The following XK variants were observed in gnomAD, a reference collection of about 807,000 sequenced individuals.
The protein encoded by XK is endoplasmic reticulum membrane adapter protein XK.
Under a neutral mutation model 14.0 loss-of-function variants are expected in XK, and 2 were observed. The ratio of observed to expected loss-of-function variants is 0.14; its 90% CI spans 0.06 to 0.45. The LOEUF (loss-of-function observed/expected upper bound fraction) is 0.45, where lower values mean the gene tolerates loss of function less well. Ranked by LOEUF, XK falls within the 20% of genes least tolerant of loss-of-function variation. The pLI is 0.98. For missense variants in XK, 235 were observed against 341.5 expected, an observed-to-expected ratio of 0.69 and a Z score of 2.46; for synonymous variants, 149 against 147.5, an observed-to-expected ratio of 1.01 and a Z score of -0.08.
chrX:37,721,820 G>A (rs369661102), intron 2 of XK, among the ~76,000 whole-genome samples: 1 of 111,525 alleles, frequency 9.0e-6, no homozygotes, highest in African/African-American at 3.2e-5. Context: ...ACTGATGAAT[G>A]GACCATGTCT....
chrX:37,696,601 G>A (rs1015301487), intron 2 of XK, among the ~76,000 whole-genome samples: 4 of 112,863 alleles, frequency 3.5e-5, no homozygotes, highest in Non-Finnish European at 7.5e-5. Flanking sequence ...TATGAATGGA[G>A]CATGGTCTAG....
intron 2 of XK, among the ~76,000 whole-genome samples, chrX:37,695,394 G>A (rs1174090948): frequency 1.8e-5 from 2 of 109,968 alleles, no homozygotes; most frequent in Admixed American, 1.9e-4. Context: ...TCTACCTTTG[G>A]GCTATTCTCA....
At chrX:37,707,789 C>T (rs1360041437) in intron 2 of XK, among the ~76,000 whole-genome samples, 1 of 112,414 alleles carries the variant, frequency 8.9e-6, no homozygotes, top group African/African-American at 3.2e-5. Context: ...ACGCTCCTCA[C>T]TTCCCAGATG....
intron 2 of XK, among the ~76,000 whole-genome samples, chrX:37,698,563 AAAAAAAG>A (rs1927348134): frequency 9.3e-6 from 1 of 107,409 alleles, no homozygotes; most frequent in Non-Finnish European, 1.9e-5. Context: ...AAAAAAAAAA[AAAAAAAG>A]AGGAGGAAAA....
rs1417041553 is a variant in XK, at chrX:37,731,634, A to T, written c.*3172A>T. 1 of 112,164 alleles carries T rather than the reference A, an allele frequency of 8.9e-6. No homozygotes were observed. Among genetic ancestry groups the T allele is most frequent in the Non-Finnish European group, 1.9e-5 (1 of 53,184 alleles). 9.2% of individuals were successfully genotyped at this position (112,164 alleles called of 1,213,427 possible). ...AAAAGAAATAAGTAGTGTCATTCAT[A>T]TGAGTTCCTGAGTGGATATGCGAAT... On this transcript the variant is annotated 3_prime_UTR_variant, in exon 3 of 3. Coordinates refer to ENST00000378616, the MANE Select transcript of XK (RefSeq NM_021083.4).
In XK at chrX:37,730,608, A is replaced by G. The variant is rs979047968; in HGVS notation, c.*2146A>G. On this transcript the variant is annotated 3_prime_UTR_variant, in exon 3 of 3. Transcript: ENST00000378616. Reference sequence around the variant, plus strand: ...TCTGCAGTGGCAAATGGTAGGGGCAATAGCGCTCCCTTTTCACCTGAAATG... The same window carrying G: ...TCTGCAGTGGCAAATGGTAGGGGCAGTAGCGCTCCCTTTTCACCTGAAATG... 3 of 112,305 alleles carry G rather than the reference A, an allele frequency of 2.7e-5. No individual in the cohort carries two copies. The highest frequency in any genetic ancestry group is 1.9e-4 in the Admixed American group (2 of 10,635). 9.3% of individuals were successfully genotyped at this position (112,305 alleles called of 1,213,427 possible).
At chrX:37,689,310 G>C (rs781811021) in intron 1 of XK, among the ~76,000 whole-genome samples, 1 of 112,041 alleles carries the variant, frequency 8.9e-6, no homozygotes, top group Non-Finnish European at 1.9e-5. Flanking sequence ...TATCTTACTG[G>C]AATTTCTTCC....
intron 2 of XK, among the ~76,000 whole-genome samples, chrX:37,695,967 C>T (rs187830036): frequency 2.7e-5 from 3 of 112,313 alleles, no homozygotes; most frequent in African/African-American, 6.5e-5. Context: ...TACTCTTTTT[C>T]CTAGTTTATT....
At chrX:37,708,795 G>A (rs1927602674) in intron 2 of XK, among the ~76,000 whole-genome samples, 1 of 112,205 alleles carries the variant, frequency 8.9e-6, no homozygotes, top group East Asian at 2.8e-4. Flanking sequence ...GACTCTTTCT[G>A]CAAACCTCCT....
chrX:37,697,318 G>C (rs1927322116), intron 2 of XK, among the ~76,000 whole-genome samples: 1 of 112,329 alleles, frequency 8.9e-6, no homozygotes, highest in African/African-American at 3.2e-5. Flanking sequence ...CATTGGATTA[G>C]ACTAGTCATG....
chrX:37,686,554 G>T (rs7884469), intron 1 of XK, among the ~76,000 whole-genome samples: 1,609 of 112,206 alleles, frequency 0.014, 25 homozygotes, highest in African/African-American at 0.048. Flanking sequence ...ATTGGCTTGT[G>T]TTGTCACAAA....
chrX:37,694,182 C>T (rs1927261460), intron 1 of XK, 104 bp from the exon 2 acceptor site: 1 of 1,070,622 alleles, frequency 9.3e-7, no homozygotes, highest in Non-Finnish European at 1.3e-6. Context: ...TTCAGAGTAG[C>T]CAAGTCAAGG....
intron 2 of XK, among the ~76,000 whole-genome samples, chrX:37,700,837 A>AGG (rs782271782): frequency 9.0e-6 from 1 of 111,085 alleles, no homozygotes; most frequent in South Asian, 3.9e-4. Flanking sequence ...ATGGGTGGAG[A>AGG]GGGGGCACAC....
chrX:37,693,675 GAGAT>G (rs1927249470), intron 1 of XK, among the ~76,000 whole-genome samples: 1 of 111,934 alleles, frequency 8.9e-6, no homozygotes, highest in Non-Finnish European at 1.9e-5. Flanking sequence ...TATGAAAACA[GAGAT>G]AGGTAACATG....
At chrX:37,720,443 TA>T (rs782483461) in intron 2 of XK, among the ~76,000 whole-genome samples, 17 of 111,081 alleles carry the variant, frequency 1.5e-4, no homozygotes, top group African/African-American at 5.5e-4. Flanking sequence ...CATGAGAAAA[TA>T]AAATTGGACT....
chrX:37,725,114 C>G (rs1452369288), intron 2 of XK, among the ~76,000 whole-genome samples: 2 of 111,174 alleles, frequency 1.8e-5, no homozygotes, highest in Admixed American at 1.9e-4. Context: ...TATGTGTAAT[C>G]TAAAAAAGTC....
chrX:37,691,978 G>C (rs895851392), intron 1 of XK, among the ~76,000 whole-genome samples: 4 of 111,130 alleles, frequency 3.6e-5, no homozygotes, highest in Non-Finnish European at 7.5e-5. Context: ...GTGAGAGAGT[G>C]AGACTGTCTT....
rs782023053 is a variant in XK at position 37,707,549 on chromosome X, G to A, written c.508+13001G>A. ...TCAGACGGGGCGGCTGCCGGGCGGA[G>A]GGGCTCCTCACTTCTCAGACGGGGC... On this transcript the variant is annotated intron_variant, in intron 2 of 2. Coordinates refer to ENST00000378616, the MANE Select transcript of XK (RefSeq NM_021083.4). Among the ~76,000 whole-genome samples the A allele has an allele frequency of 5.1e-4, 55 of 106,874 alleles. 1 individual carries two copies. The highest frequency in any genetic ancestry group is 1.4e-3 in the Admixed American group (15 of 10,364). The allele number at this position is 106,874 out of a possible 115,157, so 92.8% of individuals were successfully genotyped here. A position where few individuals can be genotyped will look rare whatever the true frequency, so the allele number is the denominator to read the frequency against.
intron 1 of XK, among the ~76,000 whole-genome samples, chrX:37,686,729 T>G (rs782067342): frequency 2.7e-5 from 3 of 111,547 alleles, no homozygotes; most frequent in Non-Finnish European, 5.7e-5. Flanking sequence ...TGCACCATTC[T>G]TTTCTCTTGG....
Sources: allele counts gnomAD v4.1 joint callset (sites outside exome capture counted in the v4.1 genomes callset), GRCh38; gene constraint gnomAD v4.1.1; transcripts MANE v1.5; gene names NCBI Gene and HGNC (gene_info 2026-07-23, HGNC 2026-07-21).